The following RGS7 variants were observed in gnomAD, a reference collection of about 807,000 sequenced individuals.
RGS7 encodes regulator of G-protein signaling 7.
A neutral mutation model predicts 81.1 loss-of-function variants in RGS7; 27 were observed. The ratio of observed to expected loss-of-function variants is 0.33; its 90% CI spans 0.25 to 0.46. RGS7 has a LOEUF of 0.46. Among genes scored for constraint, RGS7 ranks in the 20% least tolerant of loss-of-function variants. The pLI is 1.00. For missense variants in RGS7, 396 were observed against 607.4 expected (o/e 0.65, Z 3.66); for synonymous variants, 208 against 207.7 (o/e 1.00, Z -0.01).
chr1:240,778,909 A>G (rs1209273427), intron 18 of RGS7, among the ~76,000 whole-genome samples: 1 of 152,106 alleles, frequency 6.6e-6, no homozygotes, highest in Non-Finnish European at 1.5e-5. Flanking sequence ...AATAAAAGAG[A>G]AAACAGTTTA....
chr1:240,907,957 T>C, intron 6 of RGS7, among the ~76,000 whole-genome samples: 1 of 152,286 alleles, frequency 6.6e-6, no homozygotes, highest in South Asian at 2.1e-4. Flanking sequence ...TCCATGGTCT[T>C]CTTTTATTTT....
chr1:240,974,769 A>G (rs564619568), intron 4 of RGS7, among the ~76,000 whole-genome samples: 1 of 152,240 alleles, frequency 6.6e-6, no homozygotes, highest in African/African-American at 2.4e-5. Flanking sequence ...AATTCAATTC[A>G]GTTAAATGTG....
intron 2 of RGS7, among the ~76,000 whole-genome samples, chr1:241,166,322 C>G (rs530911489): frequency 2.6e-5 from 4 of 152,264 alleles, no homozygotes; most frequent in African/African-American, 9.6e-5. Flanking sequence ...AAGAACTGAT[C>G]AAAAGACCCT....
intron 2 of RGS7, among the ~76,000 whole-genome samples, chr1:241,152,305 TTATAA>T (rs1379240031): frequency 6.6e-6 from 1 of 152,212 alleles, no homozygotes; most frequent in African/African-American, 2.4e-5. Context: ...AAACACCATA[TTATAA>T]TATAATCTCA....
chr1:241,298,514 A>C (rs2079551945), intron 2 of RGS7, among the ~76,000 whole-genome samples: 1 of 152,148 alleles, frequency 6.6e-6, no homozygotes, highest in Admixed American at 6.6e-5. Flanking sequence ...TTTTCAACTA[A>C]ATCACGCCTT....
intron 6 of RGS7, among the ~76,000 whole-genome samples, chr1:240,904,595 T>G (rs1670529829): frequency 6.6e-6 from 1 of 152,182 alleles, no homozygotes; most frequent in South Asian, 2.1e-4. Context: ...AAATCTAAAT[T>G]TTAGAAAACC....
chr1:241,148,925 G>A (rs762168456), intron 2 of RGS7, among the ~76,000 whole-genome samples: 4 of 152,160 alleles, frequency 2.6e-5, no homozygotes, highest in Non-Finnish European at 4.4e-5. Flanking sequence ...TATGTATTTC[G>A]TTAATGAGCA....
chr1:241,102,386 G>A (rs2064820306), intron 2 of RGS7, among the ~76,000 whole-genome samples: 1 of 152,192 alleles, frequency 6.6e-6, no homozygotes, highest in Non-Finnish European at 1.5e-5. Context: ...ATGGGATGGG[G>A]GGTGGGACAC....
rs373597168 is a variant in RGS7, at chr1:241,141,817, AATC to A, written c.79-43058_79-43056del. On this transcript the variant is annotated intron_variant, in intron 2 of 18. Coordinates refer to ENST00000440928, the MANE Select transcript of RGS7 (RefSeq NM_001364886.1). The stretch of plus-strand genomic sequence containing the variant: ...TCTCATGTACCCACATTTCAAAACC[AATC>A]ATGCCTTCAGCATTAACTCAGAAGT... Among the ~76,000 whole-genome samples, 213 of 152,252 alleles carry A rather than the reference AATC, an allele frequency of 1.4e-3. 1 individual carries two copies. Among genetic ancestry groups the A allele is most frequent in the African/African-American group, 4.8e-3 (200 of 41,540 alleles).
Position 241,263,356 on chromosome 1 carries a change from C to T in RGS7, c.78+92343G>A, listed in dbSNP as rs373130159. On this transcript the variant is annotated intron_variant, in intron 2 of 18. Transcript: ENST00000440928. The stretch of plus-strand genomic sequence containing the variant: ...GCACACTTCCTACAACTCCATCAAT[C>T]TGCTTTCAGCCAACAGCCCTGTCTC... Among the ~76,000 whole-genome samples, 6 of 152,286 alleles carry T rather than the reference C, an allele frequency of 3.9e-5. No homozygotes were observed. In the East Asian group the frequency reaches 1.2e-3, roughly 29 times the overall value.
At chr1:241,181,527 A>G (rs1389892753) in intron 2 of RGS7, among the ~76,000 whole-genome samples, 2 of 152,234 alleles carry the variant, frequency 1.3e-5, no homozygotes, top group African/African-American at 4.8e-5. Flanking sequence ...CCTGTTTCTT[A>G]GCATACAGCA....
In RGS7 at chr1:240,806,277, G is replaced by A; in HGVS notation, c.1132C>T (p.Pro378Ser). ...DLKKRPIKEV[P>S]SRVQEIWQEF... is the part of the protein sequence containing the mutation. ...TGCCATATTTCCTGAACTCTTGAGG[G>A]TACTTCTTTAATAGGCCTCTTTTTC... is the stretch of plus-strand genomic sequence containing the variant. Residue 378 changes from proline (P) to serine (S), a missense_variant, in exon 15 of 19, where the codon CCC (proline) becomes TCC (serine). Physicochemically the swap from Pro to Ser is moderately conservative, Grantham distance 74. Transcript: ENST00000440928. 1 of 1,613,960 alleles carries A rather than the reference G, an allele frequency of 6.2e-7. No individual in the cohort carries two copies. The highest frequency in any genetic ancestry group is 8.5e-7 in the Non-Finnish European group (1 of 1,179,944).
chr1:241,325,000 TA>T (rs916141691), intron 2 of RGS7, among the ~76,000 whole-genome samples: 7 of 152,318 alleles, frequency 4.6e-5, no homozygotes, highest in Admixed American at 2.6e-4. Context: ...TAAACAGTGA[TA>T]AAAAATAATT....
At chr1:240,944,146 A>G (rs1276589258) in intron 4 of RGS7, among the ~76,000 whole-genome samples, 1 of 151,270 alleles carries the variant, frequency 6.6e-6, no homozygotes, top group African/African-American at 2.4e-5. Flanking sequence ...ACTGGTGTGA[A>G]TAACTGGTTT....
Position 241,041,746 on chromosome 1 carries a change from T to G in RGS7, c.175+56920A>C, listed in dbSNP as rs547375761. ...ATAAAGACAGACTCAAGTTACCCAT[T>G]ACATTTAGGACTTGGGGCTCTTAGC... On this transcript the variant is annotated intron_variant, in intron 3 of 18. Coordinates refer to ENST00000440928, the MANE Select transcript of RGS7 (RefSeq NM_001364886.1). Among the ~76,000 whole-genome samples, 8 of 152,260 alleles carry G rather than the reference T, an allele frequency of 5.3e-5. No individual in the cohort carries two copies. The South Asian group carries it at 1.7e-3, about 32-fold the overall frequency.
intron 3 of RGS7, among the ~76,000 whole-genome samples, chr1:241,032,584 C>T (rs185460076): frequency 7.1e-4 from 108 of 152,232 alleles, no homozygotes; most frequent in African/African-American, 2.5e-3. Flanking sequence ...GTCATTTAAA[C>T]AATATTGATT....
chr1:241,312,374 A>G (rs955338931), intron 2 of RGS7, among the ~76,000 whole-genome samples: 4 of 151,818 alleles, frequency 2.6e-5, no homozygotes, highest in East Asian at 3.9e-4. Flanking sequence ...TTATAAACTG[A>G]AAGTTTGTGA....
At chr1:241,305,647 G>T (rs6704085) in intron 2 of RGS7, 12,156 of 154,162 alleles carry the variant, frequency 0.079, 679 homozygotes, top group African/African-American at 0.15. Flanking sequence ...ACTTTCTCTT[G>T]GGGGGGAAGT....
intron 3 of RGS7, among the ~76,000 whole-genome samples, chr1:241,091,307 G>T (rs1353611990): frequency 6.6e-6 from 1 of 152,076 alleles, no homozygotes; most frequent in Non-Finnish European, 1.5e-5. Flanking sequence ...TTAACACTTT[G>T]GGAGGCCGAG....
Sources: gnomAD v4.1 joint callset for allele counts (sites outside exome capture counted in the v4.1 genomes callset) on GRCh38, gnomAD v4.1.1 for gene constraint, MANE v1.5 for transcripts, NCBI Gene and HGNC (gene_info 2026-07-23, HGNC 2026-07-21) for gene names.